GLG1: variants seen among roughly 807,000 people sequenced by gnomAD.
GLG1 encodes the protein golgi glycoprotein 1.
GLG1 carries 38 observed loss-of-function variants against 160.5 expected under a neutral mutation model. The ratio of observed to expected loss-of-function variants is 0.24; its 90% CI spans 0.18 to 0.31. GLG1 has a LOEUF of 0.31. Ranked by LOEUF, GLG1 falls within the 10% of genes least tolerant of loss-of-function variation. The probability of loss-of-function intolerance (pLI) is 1.00; values close to 1 mark genes in which losing one functional copy is unlikely to be tolerated. For synonymous variants in GLG1, 644 were observed against 543.4 expected (o/e 1.19, Z -2.57); for missense variants, 1,373 against 1,505.2 (o/e 0.91, Z 1.45).
At chr16:74,504,083 C>A (rs2016510691) in intron 3 of GLG1, among the ~76,000 whole-genome samples, 1 of 152,076 alleles carries the variant, frequency 6.6e-6, no homozygotes, top group Non-Finnish European at 1.5e-5. Context: ...TTGGCATGGT[C>A]CTATGAAGTC....
chr16:74,473,495 A>G (rs936823350), intron 13 of GLG1, among the ~76,000 whole-genome samples: 2 of 132,288 alleles, frequency 1.5e-5, no homozygotes, highest in Admixed American at 9.0e-5. Flanking sequence ...GCTGGAGTGC[A>G]GTGGCGTGAT....
At chr16:74,523,551 C>A (rs2017240321) in intron 2 of GLG1, among the ~76,000 whole-genome samples, 1 of 152,108 alleles carries the variant, frequency 6.6e-6, no homozygotes. Flanking sequence ...AACACCAAGT[C>A]TTCCAACTCA....
At chr16:74,548,378 C>T (rs951679831) in intron 1 of GLG1, among the ~76,000 whole-genome samples, 8 of 152,244 alleles carry the variant, frequency 5.3e-5, no homozygotes, top group Admixed American at 4.6e-4. Flanking sequence ...TGGTTGATCA[C>T]AGAACCTCTG....
At chr16:74,511,935 TG>T (rs532254208) in intron 2 of GLG1, among the ~76,000 whole-genome samples, 2 of 152,126 alleles carry the variant, frequency 1.3e-5, no homozygotes, top group South Asian at 4.1e-4. Context: ...ATCTTTTTTT[TG>T]TTCATTTCAA....
intron 1 of GLG1, among the ~76,000 whole-genome samples, chr16:74,597,941 G>A (rs139812847): frequency 6.9e-4 from 104 of 151,744 alleles, no homozygotes; most frequent in South Asian, 3.1e-3. Context: ...GCTTGAACCC[G>A]GGAGCCAGAG....
intron 2 of GLG1, among the ~76,000 whole-genome samples, chr16:74,525,950 G>A (rs1597309027): frequency 6.6e-6 from 1 of 152,112 alleles, no homozygotes; most frequent in African/African-American, 2.4e-5. Flanking sequence ...GAGGCCAGGA[G>A]ATGGATACCA....
At chr16:74,516,512 AC>A (rs2016982886) in intron 2 of GLG1, among the ~76,000 whole-genome samples, 1 of 152,244 alleles carries the variant, frequency 6.6e-6, no homozygotes, top group Non-Finnish European at 1.5e-5. Flanking sequence ...ACCAATGAGA[AC>A]AAAGACACAA....
Position 74,595,557 on chromosome 16 carries a change from G to C in GLG1, c.438+11100C>G, listed in dbSNP as rs72792710. On this transcript the variant is annotated intron_variant, in intron 1 of 25. Coordinates refer to ENST00000422840, the MANE Select transcript of GLG1 (RefSeq NM_001145667.2). Reference sequence around the variant, plus strand: ...GTCTCAAAAAAGAAAGTACTGAAGGGCTTTTTTTTCTGATTCTCCCAACCA... The same window carrying C: ...GTCTCAAAAAAGAAAGTACTGAAGGCCTTTTTTTTCTGATTCTCCCAACCA... Among the ~76,000 whole-genome samples, 242 of 152,214 alleles carry C rather than the reference G, an allele frequency of 1.6e-3. 1 individual carries two copies. The highest frequency in any genetic ancestry group is 2.1e-3 in the Non-Finnish European group (140 of 68,004).
At chr16:74,518,444 T>C (rs971060088) in intron 2 of GLG1, among the ~76,000 whole-genome samples, 5 of 152,238 alleles carry the variant, frequency 3.3e-5, no homozygotes, top group African/African-American at 9.6e-5. Flanking sequence ...ACGTAAACAA[T>C]GGGGAAAAGA....
intron 1 of GLG1, among the ~76,000 whole-genome samples, chr16:74,549,195 C>A (rs1233481807): frequency 6.6e-6 from 1 of 151,776 alleles, no homozygotes; most frequent in African/African-American, 2.4e-5. Flanking sequence ...TTTTATGAGT[C>A]ACTTCAAGAT....
intron 1 of GLG1, among the ~76,000 whole-genome samples, chr16:74,548,125 T>C (rs2018100250): frequency 6.6e-6 from 1 of 152,200 alleles, no homozygotes; most frequent in East Asian, 1.9e-4. Context: ...ATAGTCAATA[T>C]CTATTTCTGG....
chr16:74,605,841 G>C (rs1306320019), intron 1 of GLG1, among the ~76,000 whole-genome samples: 1 of 152,122 alleles, frequency 6.6e-6, no homozygotes, highest in Non-Finnish European at 1.5e-5. Context: ...AGTTACTACT[G>C]TCAGATTTGC....
intron 1 of GLG1, among the ~76,000 whole-genome samples, chr16:74,581,419 A>G (rs1567537747): frequency 2.0e-5 from 3 of 152,140 alleles, no homozygotes. Context: ...GATTCCACTT[A>G]CATGGAATAC....
chr16:74,600,711 G>T (rs374353496), intron 1 of GLG1, among the ~76,000 whole-genome samples: 1 of 137,896 alleles, frequency 7.3e-6, no homozygotes, highest in Admixed American at 7.7e-5. Context: ...CAATCTGGGC[G>T]ACTGAGAAAG....
intron 1 of GLG1, among the ~76,000 whole-genome samples, chr16:74,581,031 G>C (rs1306973111): frequency 6.6e-6 from 1 of 152,166 alleles, no homozygotes; most frequent in African/African-American, 2.4e-5. Context: ...AGAACTCTCT[G>C]AACTGTTGGT....
Position 74,585,662 on chromosome 16 carries a change from CACGCTACTGT to C in GLG1, c.438+20985_438+20994del, listed in dbSNP as rs375929928. Among the ~76,000 whole-genome samples, 94 of 144,174 alleles carry C rather than the reference CACGCTACTGT, an allele frequency of 6.5e-4. 1 individual carries two copies. In the East Asian group the frequency reaches 0.018, roughly 27 times the overall value. 94.6% of individuals were successfully genotyped at this position (144,174 alleles called of 152,430 possible). A position where few individuals can be genotyped will look rare whatever the true frequency, so the allele number is the denominator to read the frequency against. ...GGCAGAGCTTGCAGTGAGCCAAGAT[CACGCTACTGT>C]ACTCCAGCCTGGGTGACAGAGCCTG... On this transcript the variant is annotated intron_variant, in intron 1 of 25. Coordinates refer to ENST00000422840, the MANE Select transcript of GLG1 (RefSeq NM_001145667.2).
chr16:74,575,767 A>G (rs944108846), intron 1 of GLG1, among the ~76,000 whole-genome samples: 1 of 152,174 alleles, frequency 6.6e-6, no homozygotes, highest in Admixed American at 6.5e-5. Flanking sequence ...ATAGATATCA[A>G]TGAGAAAATA....
At position 74,542,143 on chromosome 16, in the gene GLG1, G is replaced by T. The variant is rs576281101; in HGVS notation, c.439-9990C>A. ...CAGTTCTACTCTAAGAAAAGCACAT[G>T]AACCATCTGATGATCTGGTTTGAAT... is the stretch of plus-strand genomic sequence containing the variant. On this transcript the variant is annotated intron_variant, in intron 1 of 25. Coordinates refer to ENST00000422840, the MANE Select transcript of GLG1 (RefSeq NM_001145667.2). Among the ~76,000 whole-genome samples, 247 of 150,040 alleles carry T rather than the reference G, an allele frequency of 1.6e-3. 2 individuals carry two copies. The highest frequency in any genetic ancestry group is 6.8e-3 in the Middle Eastern group (2 of 292).
At position 74,599,131 on chromosome 16, in the gene GLG1, A is replaced by G. The variant is rs1958377821; in HGVS notation, c.438+7526T>C. Among the ~76,000 whole-genome samples, 2 of 152,190 alleles carry G rather than the reference A, an allele frequency of 1.3e-5. 1 individual carries two copies. Among genetic ancestry groups the G allele is most frequent in the South Asian group, 4.1e-4 (2 of 4,832 alleles). On this transcript the variant is annotated intron_variant, in intron 1 of 25. Transcript: ENST00000422840. ...TCTTAAAAAGTATTTGCCATAAACG[A>G]CAATGCTACTTTACAGGTAATTCTC...
Sources: allele counts gnomAD v4.1 joint callset (sites outside exome capture counted in the v4.1 genomes callset), GRCh38; gene constraint gnomAD v4.1.1; transcripts MANE v1.5; gene names NCBI Gene and HGNC (gene_info 2026-07-23, HGNC 2026-07-21).